The following SVIL variants were observed in gnomAD, a reference collection of about 807,000 sequenced individuals.
The protein encoded by SVIL is archvillin.
Under a neutral mutation model 240.4 loss-of-function variants are expected in SVIL, and 101 were observed. That is an observed-to-expected ratio of 0.42 (90% CI 0.36 to 0.50). The LOEUF is 0.50. SVIL is among the 20% of genes least tolerant of loss of function. SVIL has a pLI of 0.01. For missense variants in SVIL, 2,512 were observed against 2,818.7 expected, an observed-to-expected ratio of 0.89 and a Z score of 2.46; for synonymous variants, 999 against 1,100.0, an observed-to-expected ratio of 0.91 and a Z score of 1.82.
chr10:29,604,292 C>T lies in SVIL; in HGVS notation c.-201+30128G>A, dbSNP rs183751561. Among the ~76,000 whole-genome samples, 392 of 145,292 alleles carry T rather than the reference C, an allele frequency of 2.7e-3. 5 individuals carry two copies. In the South Asian group the frequency reaches 0.04, roughly 15 times the overall value. On this transcript the variant is annotated intron_variant, in intron 1 of 37. Coordinates refer to ENST00000355867, the MANE Select transcript of SVIL (RefSeq NM_021738.3). ...TTGGCTCACTGCAACCTCCACCTCC[C>T]GGGTTCAAGCAATTCTCATGCCTCA... is the stretch of plus-strand genomic sequence containing the variant.
intron 3 of SVIL, among the ~76,000 whole-genome samples, chr10:29,555,712 C>G (rs1265750427): frequency 6.6e-6 from 1 of 152,192 alleles, no homozygotes; most frequent in Non-Finnish European, 1.5e-5. Context: ...GCAACTGTTT[C>G]TAACTTTTGT....
chr10:29,460,235 T>C (rs1944084196), intron 36 of SVIL, among the ~76,000 whole-genome samples: 1 of 152,284 alleles, frequency 6.6e-6, no homozygotes, highest in South Asian at 2.1e-4. Context: ...AATAATAAGA[T>C]ATCTTGATGG....
At chr10:29,560,052 T>C (rs1276823838) in intron 3 of SVIL, among the ~76,000 whole-genome samples, 3 of 152,186 alleles carry the variant, frequency 2.0e-5, no homozygotes, top group Non-Finnish European at 4.4e-5. Flanking sequence ...GAAATATAAG[T>C]GGCAGGGGTA....
At chr10:29,651,327 G>C (rs746669908) in intron 3 of SVIL, among the ~76,000 whole-genome samples, 1 of 152,148 alleles carries the variant, frequency 6.6e-6, no homozygotes, top group Non-Finnish European at 1.5e-5. Context: ...TCTGAAAACA[G>C]GTGCCAAATT....
chr10:29,731,089 T>C (rs1270217136), intron 1 of SVIL, among the ~76,000 whole-genome samples: 1 of 152,236 alleles, frequency 6.6e-6, no homozygotes, highest in African/African-American at 2.4e-5. Context: ...GCACATCAAC[T>C]TGCTACTCTG....
upstream of SVIL, among the ~76,000 whole-genome samples, chr10:29,635,388 T>C (rs1458041153): frequency 6.6e-6 from 1 of 152,204 alleles, no homozygotes; most frequent in Non-Finnish European, 1.5e-5. Context: ...GGCACATGTC[T>C]CTACAAGTTT....
intron 1 of SVIL, among the ~76,000 whole-genome samples, chr10:29,595,371 C>T (rs1956544333): frequency 6.6e-6 from 1 of 152,190 alleles, no homozygotes; most frequent in African/African-American, 2.4e-5. Context: ...CAGAGCAGCA[C>T]GGCTCTGCTA....
chr10:29,690,910 T>A (rs536103416), intron 1 of SVIL, among the ~76,000 whole-genome samples: 1 of 152,370 alleles, frequency 6.6e-6, no homozygotes, highest in African/African-American at 2.4e-5. Context: ...CTGATTTTTC[T>A]TACGTTCAAA....
chr10:29,467,463 C>T (rs1433197181), intron 33 of SVIL, among the ~76,000 whole-genome samples: 1 of 152,056 alleles, frequency 6.6e-6, no homozygotes, highest in African/African-American at 2.4e-5. Context: ...AAGTTAAACT[C>T]ACCCCTGGGA....
At chr10:29,686,181 T>C (rs1480931040) in intron 2 of SVIL, among the ~76,000 whole-genome samples, 1 of 152,192 alleles carries the variant, frequency 6.6e-6, no homozygotes, top group African/African-American at 2.4e-5. Flanking sequence ...GAACCTGTGA[T>C]TAAAATGAGT....
At chr10:29,694,004 T>C (rs1589525967) in intron 1 of SVIL, among the ~76,000 whole-genome samples, 1 of 152,094 alleles carries the variant, frequency 6.6e-6, no homozygotes, top group Non-Finnish European at 1.5e-5. Context: ...CAATTCCATC[T>C]TCTAGATCCT....
chr10:29,699,132 T>C (rs556271057), intron 1 of SVIL, among the ~76,000 whole-genome samples: 4 of 152,252 alleles, frequency 2.6e-5, no homozygotes, highest in Non-Finnish European at 4.4e-5. Flanking sequence ...CTGTATGTTA[T>C]TTTTTATTTT....
intron 1 of SVIL, among the ~76,000 whole-genome samples, chr10:29,625,135 C>T (rs563345249): frequency 3.9e-5 from 6 of 152,142 alleles, no homozygotes; most frequent in African/African-American, 1.2e-4. Context: ...CATTCTCTGA[C>T]ATGATTAGTG....
chr10:29,732,910 A>C (rs190390908), intron 1 of SVIL, among the ~76,000 whole-genome samples: 125 of 152,082 alleles, frequency 8.2e-4, no homozygotes, highest in Non-Finnish European at 1.3e-3. Context: ...CTGGGCTTTA[A>C]ATTTAAGAGA....
At chr10:29,736,688 C>G (rs1420486372), upstream of SVIL, 2 of 152,508 alleles carry the variant, frequency 1.3e-5, no homozygotes, top group African/African-American at 4.8e-5. Context: ...GTCTCACCTC[C>G]GCGCGCTCCT....
intron 18 of SVIL, chr10:29,496,620 A>T: frequency 3.7e-6 from 1 of 269,722 alleles, no homozygotes; most frequent in East Asian, 1.1e-4. Flanking sequence ...CTAGCTAAGG[A>T]TCCTTAGGGA....
intron 6 of SVIL, among the ~76,000 whole-genome samples, chr10:29,537,382 T>C (rs1564599674): frequency 6.6e-6 from 1 of 152,184 alleles, no homozygotes; most frequent in Non-Finnish European, 1.5e-5. Flanking sequence ...CATTCATTCC[T>C]CAACACACGA....
At chr10:29,535,033 T>C (rs1244228309) in intron 7 of SVIL, among the ~76,000 whole-genome samples, 1 of 152,210 alleles carries the variant, frequency 6.6e-6, no homozygotes, top group Non-Finnish European at 1.5e-5. Context: ...TTGGCAAAAG[T>C]AATTATTTAT....
chr10:29,613,507 A>T (rs1303302125), intron 1 of SVIL, among the ~76,000 whole-genome samples: 1 of 151,778 alleles, frequency 6.6e-6, no homozygotes, highest in Non-Finnish European at 1.5e-5. Context: ...CACTTAAAAA[A>T]ATTTTTTTTT....
Sources: allele counts gnomAD v4.1 joint callset (sites outside exome capture counted in the v4.1 genomes callset), GRCh38; gene constraint gnomAD v4.1.1; transcripts MANE v1.5; gene names NCBI Gene and HGNC (gene_info 2026-07-23, HGNC 2026-07-21).